NLGN1: variants seen among roughly 807,000 people sequenced by gnomAD.
The protein encoded by NLGN1 is neuroligin 1.
NLGN1 carries 12 observed loss-of-function variants against 65.5 expected under a neutral mutation model. The observed-to-expected ratio is 0.18, with a 90% confidence interval of 0.12 to 0.30. The LOEUF (loss-of-function observed/expected upper bound fraction) is 0.30, where lower values mean the gene tolerates loss of function less well. NLGN1 is among the 10% of genes least tolerant of loss of function. The probability of loss-of-function intolerance (pLI) is 1.00; values close to 1 mark genes in which losing one functional copy is unlikely to be tolerated. For missense variants in NLGN1, 750 were observed against 1,007.1 expected, an observed-to-expected ratio of 0.74 and a Z score of 3.46; for synonymous variants, 350 against 359.5, an observed-to-expected ratio of 0.97 and a Z score of 0.30.
chr3:174,071,717 CAAA>C (rs539244392), intron 4 of NLGN1, among the ~76,000 whole-genome samples: 21 of 92,984 alleles, frequency 2.3e-4, no homozygotes, highest in Non-Finnish European at 1.4e-4. Flanking sequence ...GACCCTGTCC[CAAA>C]AAAAAAAAAA....
intron 2 of NLGN1, among the ~76,000 whole-genome samples, chr3:173,442,074 G>T (rs1212603431): frequency 1.3e-5 from 2 of 152,116 alleles, no homozygotes; most frequent in Non-Finnish European, 2.9e-5. Flanking sequence ...GTAAAAATAT[G>T]TATAAACAGC....
intron 3 of NLGN1, among the ~76,000 whole-genome samples, chr3:173,763,522 T>C (rs369849489): frequency 8.5e-5 from 13 of 152,226 alleles, no homozygotes; most frequent in African/African-American, 3.1e-4. Flanking sequence ...TTTATGATTT[T>C]ACTTTATTTC....
At chr3:173,783,653 C>T (rs755656558) in intron 3 of NLGN1, among the ~76,000 whole-genome samples, 2 of 152,174 alleles carry the variant, frequency 1.3e-5, no homozygotes, top group African/African-American at 2.4e-5. Flanking sequence ...CTTGCTCTGT[C>T]GCCTAGGCTG....
chr3:173,612,277 A>G (rs1752420483), intron 3 of NLGN1, among the ~76,000 whole-genome samples: 1 of 152,136 alleles, frequency 6.6e-6, no homozygotes, highest in African/African-American at 2.4e-5. Flanking sequence ...ATAGCCTTTT[A>G]TAACTGGACA....
At chr3:174,052,711 C>T (rs2152505186) in intron 4 of NLGN1, among the ~76,000 whole-genome samples, 1 of 152,062 alleles carries the variant, frequency 6.6e-6, no homozygotes, top group East Asian at 1.9e-4. Context: ...TGATTAGGTG[C>T]TTCTATTTGA....
intron 4 of NLGN1, among the ~76,000 whole-genome samples, chr3:173,839,070 T>C (rs888802575): frequency 6.7e-6 from 1 of 150,200 alleles, no homozygotes; most frequent in Admixed American, 6.8e-5. Context: ...ATTCTTTTTT[T>C]TTAACTTCTT....
At chr3:173,798,440 T>A (rs1402890622) in intron 3 of NLGN1, among the ~76,000 whole-genome samples, 1 of 152,108 alleles carries the variant, frequency 6.6e-6, no homozygotes, top group African/African-American at 2.4e-5. Flanking sequence ...GGAAATATTT[T>A]AAATATAATA....
chr3:173,702,024 G>A (rs1266635970), intron 3 of NLGN1, among the ~76,000 whole-genome samples: 1 of 152,092 alleles, frequency 6.6e-6, no homozygotes, highest in Non-Finnish European at 1.5e-5. Flanking sequence ...TGGATCACGA[G>A]GTCAGGAGAT....
chr3:173,872,238 T>A (rs1731313368), intron 4 of NLGN1, among the ~76,000 whole-genome samples: 1 of 152,216 alleles, frequency 6.6e-6, no homozygotes, highest in African/African-American at 2.4e-5. Flanking sequence ...TTTGACTGAC[T>A]GACTGACTAG....
chr3:173,867,271 A>G lies in NLGN1; in HGVS notation c.646+59439A>G, dbSNP rs576059799. Among the ~76,000 whole-genome samples the G allele has an allele frequency of 2.2e-4, 33 of 152,284 alleles. No homozygotes were observed. The South Asian group carries it at 6.6e-3, about 31-fold the overall frequency. ...ACCGAGCAAGAAATGTGTTCCCTGT[A>G]TTGATACAGAAAGTAGAGGCAATCT... On this transcript the variant is annotated intron_variant, in intron 4 of 6. Coordinates refer to ENST00000457714, the Ensembl canonical transcript of NLGN1.
At chr3:173,742,010 T>A (rs891109080) in intron 3 of NLGN1, among the ~76,000 whole-genome samples, 9 of 152,084 alleles carry the variant, frequency 5.9e-5, no homozygotes, top group African/African-American at 1.7e-4. Flanking sequence ...CTCACTCTAA[T>A]TTTTACATCA....
At chr3:173,936,232 G>A (rs913995795) in intron 4 of NLGN1, among the ~76,000 whole-genome samples, 4 of 151,740 alleles carry the variant, frequency 2.6e-5, no homozygotes, top group African/African-American at 9.7e-5. Context: ...TATAAATTCA[G>A]TCTCTACATC....
intron 1 of NLGN1, among the ~76,000 whole-genome samples, chr3:173,419,223 G>A (rs1159141787): frequency 6.6e-6 from 1 of 150,900 alleles, no homozygotes; most frequent in Non-Finnish European, 1.5e-5. Flanking sequence ...CAAAGTACAT[G>A]AGTATACATT....
chr3:173,551,970 A>G (rs1445478612), intron 2 of NLGN1, among the ~76,000 whole-genome samples: 1 of 152,244 alleles, frequency 6.6e-6, no homozygotes, highest in African/African-American at 2.4e-5. Context: ...TAAAACAAAT[A>G]TATCAAAAGT....
chr3:173,636,680 G>A (rs1458563430), intron 3 of NLGN1, among the ~76,000 whole-genome samples: 1 of 151,984 alleles, frequency 6.6e-6, no homozygotes, highest in South Asian at 2.1e-4. Context: ...CCACTCTTGG[G>A]ACTACCTGGG....
At chr3:173,624,633 A>T (rs933650663) in intron 3 of NLGN1, among the ~76,000 whole-genome samples, 2 of 152,108 alleles carry the variant, frequency 1.3e-5, no homozygotes, top group Non-Finnish European at 2.9e-5. Flanking sequence ...TCTGTCAGGG[A>T]ATAATTTGAA....
At chr3:173,461,187 A>C (rs7643195) in intron 2 of NLGN1, among the ~76,000 whole-genome samples, 73,361 of 151,936 alleles carry the variant, frequency 0.48, 20,171 homozygotes, top group East Asian at 0.84. Flanking sequence ...CTGTCCATGC[A>C]TGGCCGAAAT....
At chr3:173,683,577 C>T (rs1046196913) in intron 3 of NLGN1, among the ~76,000 whole-genome samples, 16 of 152,232 alleles carry the variant, frequency 1.1e-4, no homozygotes, top group East Asian at 3.9e-4. Flanking sequence ...CTCTCATTCC[C>T]TATTCCCATG....
chr3:173,426,698 C>A (rs955223887), intron 1 of NLGN1, among the ~76,000 whole-genome samples: 22 of 151,932 alleles, frequency 1.4e-4, no homozygotes, highest in Non-Finnish European at 2.9e-4. Context: ...GATGAATAAT[C>A]TTTTTGATAT....
Sources: allele counts gnomAD v4.1 joint callset (sites outside exome capture counted in the v4.1 genomes callset), GRCh38; gene constraint gnomAD v4.1.1; transcripts MANE v1.5; gene names NCBI Gene and HGNC (gene_info 2026-07-23, HGNC 2026-07-21).